Variants in ASB3 observed in about 807,000 individuals in gnomAD.
The protein encoded by ASB3 is ankyrin repeat and SOCS box protein 3.
ASB3 carries 41 observed loss-of-function variants against 54.5 expected under a neutral mutation model. The ratio of observed to expected loss-of-function variants is 0.75; its 90% CI spans 0.59 to 0.98. The LOEUF is 0.98. Ranked by LOEUF, ASB3 falls within the 50% of genes least tolerant of loss-of-function variation. The pLI, the probability that ASB3 is intolerant of heterozygous loss-of-function variation, is 0.00. For missense variants in ASB3, 733 were observed against 620.0 expected (o/e 1.18, Z -1.94); for synonymous variants, 266 against 221.2 (o/e 1.20, Z -1.80).
intron 9 of ASB3, among the ~76,000 whole-genome samples, chr2:53,692,031 G>A (rs1195873567): frequency 6.6e-6 from 1 of 152,278 alleles, no homozygotes; most frequent in South Asian, 2.1e-4. Context: ...TTTAGTGTAG[G>A]AGGCTGTCTT....
chr2:53,680,215 G>A (rs550079333), intron 9 of ASB3, among the ~76,000 whole-genome samples: 1 of 152,296 alleles, frequency 6.6e-6, no homozygotes, highest in East Asian at 1.9e-4. Flanking sequence ...ATGTGTACAT[G>A]TGTCTTTATG....
intron 7 of ASB3, among the ~76,000 whole-genome samples, chr2:53,702,611 T>C (rs575090659): frequency 1.3e-5 from 2 of 152,292 alleles, no homozygotes; most frequent in East Asian, 3.9e-4. Flanking sequence ...AGAGGGACTG[T>C]ACATTATATA....
chr2:53,767,886 G>C (rs561946022), intron 1 of ASB3: 7 of 1,608,908 alleles, frequency 4.4e-6, no homozygotes, highest in Non-Finnish European at 5.1e-6. Flanking sequence ...GCCGCGAGAA[G>C]ATGTGGGTTT....
chr2:53,773,663 T>A (rs528155393), intron 1 of ASB3, among the ~76,000 whole-genome samples: 43 of 151,794 alleles, frequency 2.8e-4, no homozygotes, highest in Admixed American at 5.2e-4. Context: ...ACTCCTGACC[T>A]CGTGATCCAC....
At chr2:53,773,293 T>A (rs529270188) in intron 1 of ASB3, among the ~76,000 whole-genome samples, 581 of 150,236 alleles carry the variant, frequency 3.9e-3, no homozygotes, top group Non-Finnish European at 5.9e-3. Flanking sequence ...TAAAAAAAAA[T>A]TTTTTTAAGA....
chr2:53,698,902 T>C (rs1332512736), intron 8 of ASB3, among the ~76,000 whole-genome samples: 2 of 152,224 alleles, frequency 1.3e-5, no homozygotes, highest in African/African-American at 4.8e-5. Flanking sequence ...CTCTACCCAT[T>C]ACCTAGTTCG....
At chr2:53,740,521 G>C (rs1671876609) in intron 3 of ASB3, among the ~76,000 whole-genome samples, 1 of 152,024 alleles carries the variant, frequency 6.6e-6, no homozygotes, top group Non-Finnish European at 1.5e-5. Context: ...AAAATCTTTA[G>C]TCTGAAATGT....
chr2:53,671,118 T>A (rs1352005635), intron 9 of ASB3, among the ~76,000 whole-genome samples: 1 of 152,194 alleles, frequency 6.6e-6, no homozygotes, highest in African/African-American at 2.4e-5. Context: ...TTCCTTTTTA[T>A]CCATAACATA....
At chr2:53,677,257 T>A (rs1350609727) in intron 9 of ASB3, among the ~76,000 whole-genome samples, 1 of 152,240 alleles carries the variant, frequency 6.6e-6, no homozygotes, top group South Asian at 2.1e-4. Context: ...GAATACTTTA[T>A]AATATTTGCA....
intron 9 of ASB3, among the ~76,000 whole-genome samples, chr2:53,673,179 A>C (rs72793627): frequency 3.0e-3 from 453 of 152,262 alleles, no homozygotes; most frequent in Non-Finnish European, 4.8e-3. Flanking sequence ...TTTTAAAGAG[A>C]ATTTCTACTT....
At chr2:53,683,103 A>G (rs1487514250) in intron 9 of ASB3, among the ~76,000 whole-genome samples, 1 of 151,998 alleles carries the variant, frequency 6.6e-6, no homozygotes, top group Non-Finnish European at 1.5e-5. Flanking sequence ...CTATGATATG[A>G]GCTGTGGGTC....
chr2:53,710,808 G>C (rs1558531203), intron 7 of ASB3, among the ~76,000 whole-genome samples: 1 of 152,200 alleles, frequency 6.6e-6, no homozygotes, highest in Non-Finnish European at 1.5e-5. Context: ...CTGAGACTCT[G>C]ATGATAGTTC....
chr2:53,721,642 T>A (rs1437508969), intron 5 of ASB3, among the ~76,000 whole-genome samples: 1 of 151,858 alleles, frequency 6.6e-6, no homozygotes, highest in African/African-American at 2.4e-5. Context: ...ATGGCAGAAA[T>A]CAAAAAATTC....
rs193042045 is a variant in ASB3 at position 53,682,540 on chromosome 2, G to A, written c.1369+11344C>T. On this transcript the variant is annotated intron_variant, in intron 9 of 9. Coordinates refer to ENST00000263634, the MANE Select transcript of ASB3 (RefSeq NM_016115.5). Reference sequence around the variant, plus strand: ...CACCCAGGCTGGAGTGCAGTGGTGCGATCTCGGCTCACTGCAACCTCCACC... The same window carrying A: ...CACCCAGGCTGGAGTGCAGTGGTGCAATCTCGGCTCACTGCAACCTCCACC... Among the ~76,000 whole-genome samples the A allele has an allele frequency of 5.0e-3, 755 of 152,062 alleles. 6 individuals are homozygous for A. Among genetic ancestry groups the A allele is most frequent in the African/African-American group, 0.017 (703 of 41,474 alleles).
At chr2:53,775,929 G>A (rs186402960) in intron 1 of ASB3, among the ~76,000 whole-genome samples, 1 of 152,246 alleles carries the variant, frequency 6.6e-6, no homozygotes, top group Admixed American at 6.5e-5. Context: ...TTGGGTGTAT[G>A]CTGCTACTCA....
chr2:53,672,734 T>C (rs1290113237), intron 9 of ASB3, among the ~76,000 whole-genome samples: 1 of 152,240 alleles, frequency 6.6e-6, no homozygotes, highest in African/African-American at 2.4e-5. Flanking sequence ...ACAGTTTCAC[T>C]TTCTTTGAGT....
chr2:53,732,488 A>G (rs1302425884), intron 3 of ASB3, among the ~76,000 whole-genome samples: 2 of 152,202 alleles, frequency 1.3e-5, no homozygotes, highest in African/African-American at 4.8e-5. Context: ...TCAGGTTGTC[A>G]ACAGTGATAT....
chr2:53,670,705 A>G lies in ASB3; in HGVS notation c.1370-15T>C, dbSNP rs781631475. On this transcript the variant is annotated splice_polypyrimidine_tract_variant and intron_variant, in intron 9 of 9. Transcript: ENST00000263634. Reference sequence around the variant, plus strand: ...TGGAACAGTGGCTGGAGAAACAAAAAAAGCAAGGTGAAACTTTTTTAAACA... The same window carrying G: ...TGGAACAGTGGCTGGAGAAACAAAAGAAGCAAGGTGAAACTTTTTTAAACA... 2 of 1,591,270 alleles carry G rather than the reference A, an allele frequency of 1.3e-6. No homozygotes were observed. The highest frequency in any genetic ancestry group is 2.7e-5 in the African/African-American group (2 of 73,428).
intron 1 of ASB3, chr2:53,774,362 T>A: frequency 6.2e-7 from 1 of 1,613,462 alleles, no homozygotes; most frequent in Non-Finnish European, 8.5e-7. Flanking sequence ...GCTGAACAAA[T>A]TTTTAATGCA....
Sources: gnomAD v4.1 joint callset for allele counts (sites outside exome capture counted in the v4.1 genomes callset) on GRCh38, gnomAD v4.1.1 for gene constraint, MANE v1.5 for transcripts, NCBI Gene and HGNC (gene_info 2026-07-23, HGNC 2026-07-21) for gene names.